The following PCDHA6 variants were observed in gnomAD, a reference collection of about 807,000 sequenced individuals.
The protein encoded by PCDHA6 is protocadherin alpha 6.
A neutral mutation model predicts 60.3 loss-of-function variants in PCDHA6; 55 were observed. That is an observed-to-expected ratio of 0.91 (90% CI 0.73 to 1.14). The LOEUF (loss-of-function observed/expected upper bound fraction) is 1.14. Ranked by LOEUF, PCDHA6 falls within the 50% of genes most tolerant of loss-of-function variation. The pLI, the probability that PCDHA6 is intolerant of heterozygous loss-of-function variation, is 0.00. For synonymous variants in PCDHA6, 652 were observed against 557.9 expected, an observed-to-expected ratio of 1.17 and a Z score of -2.38; for missense variants, 1,327 against 1,256.5, an observed-to-expected ratio of 1.06 and a Z score of -0.85.
At chr5:140,884,071 G>C (rs1425122045) in intron 1 of PCDHA6, 7 of 1,613,400 alleles carry the variant, frequency 4.3e-6, no homozygotes, top group African/African-American at 2.7e-5. Context: ...ACGCCGATTC[G>C]GGCTACAATG....
intron 1 of PCDHA6, chr5:140,869,446 C>A (rs2051137912): frequency 1.2e-6 from 2 of 1,614,070 alleles, no homozygotes; most frequent in Admixed American, 1.7e-5. Context: ...CAGGCCGCTG[C>A]AGGTTTTCCA....
In PCDHA6 at chr5:140,852,643, C is replaced by T. The variant is rs2150521089; in HGVS notation, c.2394+22158C>T. 453 of 958,790 alleles carry T rather than the reference C, an allele frequency of 4.7e-4. 23 individuals carry two copies. The African/African-American group carries it at 7.6e-3, about 16-fold the overall frequency. 59.4% of individuals were successfully genotyped at this position (958,790 alleles called of 1,614,324 possible). ...TGGTCTCTGAGCTCCTGTCATTAAA[C>T]CTATCTATATCTGTCTATCAGCACA... is the stretch of plus-strand genomic sequence containing the variant. On this transcript the variant is annotated intron_variant, in intron 1 of 3. Transcript: ENST00000529310.
intron 1 of PCDHA6, among the ~76,000 whole-genome samples, chr5:140,970,004 G>A (rs1322154107): frequency 6.6e-6 from 1 of 152,200 alleles, no homozygotes; most frequent in Non-Finnish European, 1.5e-5. Context: ...CAGAGGGAGT[G>A]GATGATGGTG....
At position 140,871,104 on chromosome 5, in the gene PCDHA6, G is replaced by A. The variant is rs377444052; in HGVS notation, c.2394+40619G>A. 1,642 of 1,613,308 alleles carry A rather than the reference G, an allele frequency of 1.0e-3. 2 individuals are homozygous for A. Among genetic ancestry groups the A allele is most frequent in the Non-Finnish European group, 1.0e-3 (1,175 of 1,179,876 alleles). On this transcript the variant is annotated intron_variant, in intron 1 of 3. Coordinates refer to ENST00000529310, the MANE Select transcript of PCDHA6 (RefSeq NM_018909.4). ...CGGCCACGGCCACCGTGCTGGTGTC[G>A]TTGGTGGAGAGCGGACAGGCGCCAA...
At chr5:140,853,462 C>T (rs1386923717) in intron 1 of PCDHA6, 1 of 971,854 alleles carries the variant, frequency 1.0e-6, no homozygotes, top group African/African-American at 1.8e-5. Context: ...TCCTTATATG[C>T]ATCTGTAGTT....
intron 1 of PCDHA6, 73 bp downstream of exon 1, chr5:140,830,558 T>C: frequency 9.8e-7 from 1 of 1,015,990 alleles, no homozygotes; most frequent in Non-Finnish European, 1.3e-6. Context: ...ATTTGTCTTC[T>C]ATATTTCTGT....
chr5:140,907,616 GCT>G (rs1554193070), intron 1 of PCDHA6, among the ~76,000 whole-genome samples: 1 of 152,216 alleles, frequency 6.6e-6, no homozygotes, highest in Non-Finnish European at 1.5e-5. Context: ...CATATCAAGG[GCT>G]CAGTGTTGGT....
chr5:140,950,995 C>G (rs1554219713), intron 1 of PCDHA6, among the ~76,000 whole-genome samples: 1 of 151,856 alleles, frequency 6.6e-6, no homozygotes, highest in Non-Finnish European at 1.5e-5. Flanking sequence ...TCTTTTAGCT[C>G]CATTTTTCCC....
chr5:140,865,798 C>T (rs1467476362), intron 1 of PCDHA6: 1 of 152,146 alleles, frequency 6.6e-6, no homozygotes, highest in East Asian at 1.9e-4. Context: ...AGGCTTCAGA[C>T]TCATTCTTTT....
chr5:140,992,757 G>A (rs1345373474), intron 3 of PCDHA6, among the ~76,000 whole-genome samples: 2 of 152,110 alleles, frequency 1.3e-5, no homozygotes, highest in Non-Finnish European at 2.9e-5. Context: ...CCTGTGTTGG[G>A]GATAGGAGGG....
Position 140,848,199 on chromosome 5 carries a change from AATC to A in PCDHA6, c.2394+17717_2394+17719del, listed in dbSNP as rs2150407324. The stretch of plus-strand genomic sequence containing the variant: ...GAGAAACGGGATCTTCTGTTTCAAC[AATC>A]ATTACTTAAGAAAAAATTAAGAAAA... On this transcript the variant is annotated intron_variant, in intron 1 of 3. Coordinates refer to ENST00000529310, the MANE Select transcript of PCDHA6 (RefSeq NM_018909.4). The A allele has an allele frequency of 2.2e-5, 7 of 318,910 alleles. No individual in the cohort carries two copies. The South Asian group carries it at 2.2e-4, about 10-fold the overall frequency. The allele number at this position is 318,910 out of a possible 1,614,324, so 19.8% of individuals were successfully genotyped here.
chr5:140,948,495 G>T (rs2094260954), intron 1 of PCDHA6, among the ~76,000 whole-genome samples: 1 of 151,424 alleles, frequency 6.6e-6, no homozygotes, highest in African/African-American at 2.4e-5. Context: ...TTCTTTCATA[G>T]ACTTTCTATT....
At chr5:140,869,316 T>A in intron 1 of PCDHA6, 1 of 1,613,748 alleles carries the variant, frequency 6.2e-7, no homozygotes, top group Non-Finnish European at 8.5e-7. Context: ...CCAAAACACA[T>A]GGGGACCTTC....
chr5:140,880,338 C>T (rs887426306), intron 1 of PCDHA6, among the ~76,000 whole-genome samples: 10 of 152,130 alleles, frequency 6.6e-5, no homozygotes, highest in African/African-American at 1.7e-4. Context: ...AAAAATAAGA[C>T]AGGCAGCAGG....
chr5:140,848,388 TC>T, intron 1 of PCDHA6: 1 of 1,225,380 alleles, frequency 8.2e-7, no homozygotes, highest in Non-Finnish European at 1.2e-6. Context: ...TTTCACTCTC[TC>T]TGTGCTGAAC....
At position 140,829,715 on chromosome 5, in the gene PCDHA6, G is replaced by A. The variant is rs2150173253; in HGVS notation, c.1624G>A (p.Val542Met). Residue 542 changes from valine (V) to methionine (M), a missense_variant, in exon 1 of 4, where the codon GTG becomes ATG. Physicochemically the swap from Val to Met is conservative, Grantham distance 21 (BLOSUM62 1). Coordinates refer to ENST00000529310, the MANE Select transcript of PCDHA6 (RefSeq NM_018909.4). ...QFQVSARDAG[V>M]PPLGSNVTLQ... ...TCAGGTGAGCGCGCGCGACGCGGGC[G>A]TGCCGCCTCTGGGCAGCAACGTGAC... is the stretch of plus-strand genomic sequence containing the variant. 5.6e-6 allele frequency: 9 copies of A among 1,613,468 alleles called. No individual in the cohort carries two copies. The Admixed American group carries it at 1.0e-4, about 18-fold the overall frequency.
chr5:140,983,076 T>A (rs1390525890), intron 3 of PCDHA6, among the ~76,000 whole-genome samples: 1 of 152,168 alleles, frequency 6.6e-6, no homozygotes, highest in Non-Finnish European at 1.5e-5. Context: ...TTGTTTTGAG[T>A]TCAAGTCAAA....
chr5:140,883,691 T>C (rs2059755439), intron 1 of PCDHA6: 2 of 1,613,592 alleles, frequency 1.2e-6, no homozygotes, highest in African/African-American at 2.7e-5. Flanking sequence ...CTGCCACATC[T>C]TCACGGTGTC....
intron 1 of PCDHA6, among the ~76,000 whole-genome samples, chr5:140,933,231 A>G (rs1488760874): frequency 4.6e-5 from 7 of 152,008 alleles, no homozygotes; most frequent in Non-Finnish European, 1.0e-4. Context: ...GCATTTATGA[A>G]AAAGAAAGGA....
Sources: gnomAD v4.1 joint callset for allele counts (sites outside exome capture counted in the v4.1 genomes callset) on GRCh38, gnomAD v4.1.1 for gene constraint, MANE v1.5 for transcripts, NCBI Gene and HGNC (gene_info 2026-07-23, HGNC 2026-07-21) for gene names.